The following GNG7 variants were observed in gnomAD, a reference collection of about 807,000 sequenced individuals.
GNG7 encodes guanine nucleotide-binding protein G(I)/G(S)/G(O) subunit gamma-7.
In GNG7, 1 loss-of-function variant was observed where a neutral mutation model predicts 4.0. The ratio of observed to expected loss-of-function variants is 0.25; its 90% CI spans 0.09 to 1.18. The LOEUF is 1.18. Among genes scored for constraint, GNG7 ranks in the 50% most tolerant of loss-of-function variants. The pLI is 0.50. For synonymous variants in GNG7, 34 were observed against 36.9 expected (o/e 0.92, Z 0.29); for missense variants, 86 against 91.9 (o/e 0.94, Z 0.26).
chr19:2,577,335 C>T (rs1260711240), intron 2 of GNG7, among the ~76,000 whole-genome samples: 1 of 152,204 alleles, frequency 6.6e-6, no homozygotes, highest in East Asian at 1.9e-4. Flanking sequence ...AGCATTCCCT[C>T]AGGCTGTTGG....
chr19:2,569,273 CT>C (rs1980070510), intron 2 of GNG7, among the ~76,000 whole-genome samples: 1 of 152,020 alleles, frequency 6.6e-6, no homozygotes, highest in Non-Finnish European at 1.5e-5. Context: ...TTCTCTCTCT[CT>C]CTCTCTTTCT....
chr19:2,647,552 C>CA (rs1250517684), intron 1 of GNG7, among the ~76,000 whole-genome samples: 8 of 151,768 alleles, frequency 5.3e-5, no homozygotes, highest in Non-Finnish European at 1.0e-4. Context: ...CCCATCTTGA[C>CA]AAAAAAAATT....
At chr19:2,603,682 A>AT (rs1981284240) in intron 2 of GNG7, among the ~76,000 whole-genome samples, 1 of 152,208 alleles carries the variant, frequency 6.6e-6, no homozygotes, top group Non-Finnish European at 1.5e-5. Context: ...AAGCCCCTGC[A>AT]GCTAGGAGGA....
At chr19:2,635,920 G>A (rs1426496710) in intron 2 of GNG7, among the ~76,000 whole-genome samples, 1 of 152,188 alleles carries the variant, frequency 6.6e-6, no homozygotes, top group Admixed American at 6.5e-5. Flanking sequence ...GACACTGAGT[G>A]ATATTTGGGG....
intron 3 of GNG7, among the ~76,000 whole-genome samples, chr19:2,545,180 C>T (rs1979085070): frequency 6.6e-6 from 1 of 151,518 alleles, no homozygotes; most frequent in South Asian, 2.1e-4. Context: ...ACCCTGGGCG[C>T]TGTCTGGCGA....
At chr19:2,543,498 C>G (rs923593777) in intron 3 of GNG7, among the ~76,000 whole-genome samples, 5 of 152,174 alleles carry the variant, frequency 3.3e-5, no homozygotes, top group Non-Finnish European at 7.3e-5. Context: ...GTGCTAGGAT[C>G]CCGGGCATGA....
chr19:2,550,920 G>A (rs1033175973), intron 3 of GNG7, among the ~76,000 whole-genome samples: 9 of 152,172 alleles, frequency 5.9e-5, no homozygotes, highest in African/African-American at 1.9e-4. Context: ...GGGATGGCCC[G>A]GCTGCTGGGA....
intron 3 of GNG7, among the ~76,000 whole-genome samples, chr19:2,522,551 G>A (rs2144729784): frequency 6.6e-6 from 1 of 151,834 alleles, no homozygotes; most frequent in Middle Eastern, 3.4e-3. Context: ...GAGGCGGGCG[G>A]GTCACAAGGT....
chr19:2,532,010 G>A (rs1214269429), intron 3 of GNG7, among the ~76,000 whole-genome samples: 2 of 151,644 alleles, frequency 1.3e-5, no homozygotes, highest in Admixed American at 6.6e-5. Flanking sequence ...AATTAGCCGG[G>A]CGCCATGGCA....
intron 1 of GNG7, among the ~76,000 whole-genome samples, chr19:2,682,714 C>T (rs530639307): frequency 6.6e-5 from 10 of 151,154 alleles, no homozygotes; most frequent in Non-Finnish European, 1.3e-4. Context: ...TCATCCCTGC[C>T]CCTGCTCCCA....
chr19:2,626,881 C>T lies in GNG7; in HGVS notation c.-78+19343G>A, dbSNP rs1442569732. Among the ~76,000 whole-genome samples, 1 of 151,768 alleles carries T rather than the reference C, an allele frequency of 6.6e-6. No individual in the cohort carries two copies. The highest frequency in any genetic ancestry group is 2.4e-5 in the African/African-American group (1 of 41,266). The stretch of plus-strand genomic sequence containing the variant: ...CCCTGCAGTGCCCAGGACGGCCTCA[C>T]CCCAGAGAACAGTCCAGTGTCAGTG... On this transcript the variant is annotated intron_variant, in intron 2 of 4. Coordinates refer to ENST00000382159, the MANE Select transcript of GNG7 (RefSeq NM_052847.3). This position sits in a 1 kb window ranked among gnomAD's most constrained non-coding sequence, Gnocchi z 5.0.
intron 1 of GNG7, among the ~76,000 whole-genome samples, chr19:2,673,785 T>C (rs1316494554): frequency 6.6e-6 from 1 of 151,996 alleles, no homozygotes; most frequent in African/African-American, 2.4e-5. Context: ...ATACTGGTCT[T>C]TTTAGAAAAT....
chr19:2,654,066 TTGAG>T (rs1982898618), intron 1 of GNG7, among the ~76,000 whole-genome samples: 1 of 151,946 alleles, frequency 6.6e-6, no homozygotes, highest in Non-Finnish European at 1.5e-5. Flanking sequence ...GCCGTGTCTT[TTGAG>T]ACTCTGCATA....
chr19:2,690,083 A>C (rs1483228417), intron 1 of GNG7, among the ~76,000 whole-genome samples: 1 of 151,634 alleles, frequency 6.6e-6, no homozygotes, highest in East Asian at 1.9e-4. Context: ...TTTTTTTTCC[A>C]ACCATTTAAA....
At chr19:2,632,471 A>AAC (rs1196004450) in intron 2 of GNG7, 2 of 121,854 alleles carry the variant, frequency 1.6e-5, no homozygotes, top group East Asian at 4.1e-4. Flanking sequence ...CTATAAACAA[A>AAC]ACTCACACAC....
chr19:2,621,671 T>G (rs541993329), intron 2 of GNG7, among the ~76,000 whole-genome samples: 2 of 152,174 alleles, frequency 1.3e-5, no homozygotes, highest in South Asian at 4.2e-4. Flanking sequence ...CACTCCAGCC[T>G]GGGTGACAGA....
In GNG7 at chr19:2,548,216, C is replaced by T. The variant is rs145738027; in HGVS notation, c.-38+6933G>A. Among the ~76,000 whole-genome samples the T allele has an allele frequency of 1.6e-4, 25 of 152,214 alleles. No homozygotes were observed. In the East Asian group the frequency reaches 4.6e-3, roughly 28 times the overall value. ...AACAAAAACCAGGTATGGTGGCTCA[C>T]GCCTGTAATCCCAGCACTTTGGGAG... On this transcript the variant is annotated intron_variant, in intron 3 of 4. Coordinates refer to ENST00000382159, the MANE Select transcript of GNG7 (RefSeq NM_052847.3).
At chr19:2,543,382 G>A (rs11881494) in intron 3 of GNG7, among the ~76,000 whole-genome samples, 70,593 of 151,580 alleles carry the variant, frequency 0.47, 16,632 homozygotes, top group African/African-American at 0.53. Flanking sequence ...CACCATGCCC[G>A]GCTAATTTTT....
intron 1 of GNG7, among the ~76,000 whole-genome samples, chr19:2,671,359 C>A (rs537167945): frequency 6.6e-6 from 1 of 152,226 alleles, no homozygotes; most frequent in South Asian, 2.1e-4. Flanking sequence ...ACCGGTGGCT[C>A]TGAGCCTCGA....
Sources: gnomAD v4.1 joint callset for allele counts (sites outside exome capture counted in the v4.1 genomes callset) on GRCh38, gnomAD v4.1.1 for gene constraint, Gnocchi (gnomAD v3.1) non-coding constraint, MANE v1.5 for transcripts, NCBI Gene and HGNC (gene_info 2026-07-23, HGNC 2026-07-21) for gene names.